The following AGTPBP1 variants were observed in gnomAD, a reference collection of about 807,000 sequenced individuals.
AGTPBP1 encodes cytosolic carboxypeptidase 1.
Under a neutral mutation model 143.9 loss-of-function variants are expected in AGTPBP1, and 70 were observed. The observed-to-expected ratio is 0.49, with a 90% confidence interval of 0.40 to 0.59. The LOEUF is 0.59. AGTPBP1 is among the 20% of genes least tolerant of loss of function. The pLI is 0.00. For missense variants in AGTPBP1, 1,229 were observed against 1,464.5 expected, an observed-to-expected ratio of 0.84 and a Z score of 2.62; for synonymous variants, 463 against 500.2, an observed-to-expected ratio of 0.93 and a Z score of 0.99.
the AGTPBP1 span, among the ~76,000 whole-genome samples, chr9:85,759,114 C>A: frequency 1.3e-5 from 2 of 152,162 alleles, no homozygotes; most frequent in African/African-American, 4.8e-5. Flanking sequence ...CACTCAGATT[C>A]ATAAAGCAAG....
the AGTPBP1 span, among the ~76,000 whole-genome samples, chr9:85,750,359 T>C: frequency 1.3e-5 from 2 of 152,310 alleles, no homozygotes; most frequent in South Asian, 2.1e-4. Context: ...AGAGTCCAAA[T>C]TCACTTATAA....
At chr9:85,573,207 G>A (rs1827631785) in intron 25 of AGTPBP1, among the ~76,000 whole-genome samples, 1 of 150,964 alleles carries the variant, frequency 6.6e-6, no homozygotes, top group African/African-American at 2.4e-5. Flanking sequence ...CTCCCTGCCT[G>A]ACTCTCCTGC....
intron 1 of AGTPBP1, among the ~76,000 whole-genome samples, chr9:85,722,937 G>T (rs1275832049): frequency 6.6e-6 from 1 of 152,108 alleles, no homozygotes. Flanking sequence ...CCCCTCAGCT[G>T]CAGGTCTGTT....
chr9:85,692,854 T>C, intron 2 of AGTPBP1, 41 bp from the exon 3 acceptor site: 1 of 1,598,726 alleles, frequency 6.3e-7, no homozygotes, highest in South Asian at 1.1e-5. Context: ...TCTAAATCAA[T>C]GGTGTAAATT....
At chr9:85,589,094 G>A (rs1346386948) in intron 20 of AGTPBP1, among the ~76,000 whole-genome samples, 1 of 151,868 alleles carries the variant, frequency 6.6e-6, no homozygotes, top group Non-Finnish European at 1.5e-5. Context: ...GTACATTTGA[G>A]GCAATTTAAA....
At chr9:85,688,766 T>A (rs1211465547) in intron 3 of AGTPBP1, among the ~76,000 whole-genome samples, 1 of 152,204 alleles carries the variant, frequency 6.6e-6, no homozygotes, top group African/African-American at 2.4e-5. Flanking sequence ...ATTGTGTGAA[T>A]AAAATGTGTT....
At chr9:85,682,349 T>G (rs944577535) in intron 3 of AGTPBP1, among the ~76,000 whole-genome samples, 23 of 152,182 alleles carry the variant, frequency 1.5e-4, no homozygotes, top group African/African-American at 5.3e-4. Flanking sequence ...CATTTATAAC[T>G]CCCTTCAACC....
chr9:85,799,853 G>A, the AGTPBP1 span, among the ~76,000 whole-genome samples: 9 of 152,144 alleles, frequency 5.9e-5, no homozygotes, highest in African/African-American at 2.2e-4. Context: ...GCAATAAAAT[G>A]TTGATGAGAG....
At chr9:85,555,882 A>G (rs1205124464) in intron 25 of AGTPBP1, among the ~76,000 whole-genome samples, 1 of 152,248 alleles carries the variant, frequency 6.6e-6, no homozygotes, top group Non-Finnish European at 1.5e-5. Context: ...GAACAATGTA[A>G]AAGTAAATAT....
chr9:85,781,643 A>G, the AGTPBP1 span, among the ~76,000 whole-genome samples: 1 of 152,216 alleles, frequency 6.6e-6, no homozygotes, highest in African/African-American at 2.4e-5. Flanking sequence ...TAACTATATA[A>G]TCTAACATAG....
At chr9:85,780,845 G>A in the AGTPBP1 span, among the ~76,000 whole-genome samples, 2 of 152,150 alleles carry the variant, frequency 1.3e-5, no homozygotes, top group African/African-American at 2.4e-5. Context: ...AGCCGGGCAC[G>A]GTGGCTCATG....
intron 8 of AGTPBP1, among the ~76,000 whole-genome samples, chr9:85,661,491 T>C (rs1316296274): frequency 6.6e-6 from 1 of 152,116 alleles, no homozygotes; most frequent in Non-Finnish European, 1.5e-5. Context: ...ATTTTGGAAC[T>C]TGAAGGTTGG....
At chr9:85,625,163 A>G (rs1026959770) in intron 14 of AGTPBP1, among the ~76,000 whole-genome samples, 9 of 152,250 alleles carry the variant, frequency 5.9e-5, no homozygotes, top group African/African-American at 2.2e-4. Context: ...ATATCTCACA[A>G]ATTCCCAGAT....
the AGTPBP1 span, among the ~76,000 whole-genome samples, chr9:85,759,795 G>A: frequency 6.6e-6 from 1 of 152,162 alleles, no homozygotes; most frequent in Non-Finnish European, 1.5e-5. Flanking sequence ...AGGAGATAGA[G>A]ACACAGAAAA....
At position 85,736,931 on chromosome 9, in the gene AGTPBP1, C is replaced by A. The variant is rs1230913738; in HGVS notation, c.-34+4844G>T. 2.0e-5 allele frequency among the ~76,000 whole-genome samples: 3 copies of A among 152,082 alleles called. No individual in the cohort carries two copies. In the East Asian group the frequency reaches 5.8e-4, roughly 29 times the overall value. The stretch of plus-strand genomic sequence containing the variant: ...ACCATCCTGGCTAACGCGGTGAAAC[C>A]CCATTTCTACTAAAACTACAAAAAA... On this transcript the variant is annotated intron_variant, in intron 1 of 25. Transcript: ENST00000357081.
At chr9:85,753,440 G>A in the AGTPBP1 span, 20 of 1,613,000 alleles carry the variant, frequency 1.2e-5, no homozygotes, top group Middle Eastern at 1.7e-4. Context: ...TCTATTTAGC[G>A]TTTCCTGGTT....
intron 6 of AGTPBP1, among the ~76,000 whole-genome samples, chr9:85,676,871 C>G (rs1223100536): frequency 6.6e-6 from 1 of 152,036 alleles, no homozygotes; most frequent in East Asian, 1.9e-4. Context: ...AAAATGAAAT[C>G]CTGTCATTTG....
chr9:85,652,598 C>T (rs1438329975), intron 11 of AGTPBP1, among the ~76,000 whole-genome samples: 1 of 152,160 alleles, frequency 6.6e-6, no homozygotes, highest in Non-Finnish European at 1.5e-5. Context: ...CTAGAGAGGG[C>T]ATGGAAGCCC....
chr9:85,714,178 A>C (rs755510299), intron 1 of AGTPBP1, among the ~76,000 whole-genome samples: 4 of 152,234 alleles, frequency 2.6e-5, no homozygotes, highest in Non-Finnish European at 5.9e-5. Flanking sequence ...TACTCTTGGG[A>C]CTAGATTACA....
Sources: gnomAD v4.1 joint callset for allele counts (sites outside exome capture counted in the v4.1 genomes callset) on GRCh38, gnomAD v4.1.1 for gene constraint, MANE v1.5 for transcripts, NCBI Gene and HGNC (gene_info 2026-07-23, HGNC 2026-07-21) for gene names.